Variants in SCIN observed in about 807,000 individuals in gnomAD.
SCIN encodes adseverin.
A neutral mutation model predicts 91.8 loss-of-function variants in SCIN; 91 were observed. That is an observed-to-expected ratio of 0.99 (90% confidence interval 0.84 to 1.18). The LOEUF is 1.18. SCIN is among the 50% of genes most tolerant of loss of function. The pLI, the probability that SCIN is intolerant of heterozygous loss-of-function variation, is 0.00. For missense variants in SCIN, 1,087 were observed against 863.9 expected, an observed-to-expected ratio of 1.26 and a Z score of -3.24; for synonymous variants, 367 against 312.6, an observed-to-expected ratio of 1.17 and a Z score of -1.84.
At chr7:12,644,008 C>G in intron 11 of SCIN, 130 bp from the exon 12 acceptor site, 1 of 783,224 alleles carries the variant, frequency 1.3e-6, no homozygotes, top group Non-Finnish European at 2.0e-6. Context: ...CCCAGAGCGG[C>G]TCTGAATTAA....
At chr7:12,590,033 A>G (rs1416067386) in intron 3 of SCIN, among the ~76,000 whole-genome samples, 1 of 152,144 alleles carries the variant, frequency 6.6e-6, no homozygotes, top group Non-Finnish European at 1.5e-5. Flanking sequence ...TGGGGCCAGC[A>G]TGGGATATGG....
At chr7:12,575,245 T>C (rs1782346701) in intron 1 of SCIN, among the ~76,000 whole-genome samples, 1 of 151,902 alleles carries the variant, frequency 6.6e-6, no homozygotes. Flanking sequence ...TTTTCTTTTT[T>C]TTTTTTGGAT....
rs1034459507 is a variant in SCIN at position 12,624,922 on chromosome 7, C to T, written c.760-88C>T. The T allele has an allele frequency of 4.3e-5, 55 of 1,283,478 alleles. 1 individual carries two copies. The highest frequency in any genetic ancestry group is 8.1e-5 in the South Asian group (5 of 61,928). The allele number at this position is 1,283,478 out of a possible 1,614,324, so 79.5% of individuals were successfully genotyped here. On this transcript the variant is annotated intron_variant, in intron 5 of 15. Coordinates refer to ENST00000297029, the MANE Select transcript of SCIN (RefSeq NM_001112706.3). The stretch of plus-strand genomic sequence containing the variant: ...ATGCTTTTTATTTGATGACATTTAC[C>T]GAGTTGTACAACCATTACCATAATC...
chr7:12,592,603 C>T (rs532221082), intron 3 of SCIN, among the ~76,000 whole-genome samples: 1 of 151,504 alleles, frequency 6.6e-6, no homozygotes, highest in African/African-American at 2.4e-5. Flanking sequence ...GGAGGGGACT[C>T]TGGTTGAAGG....
chr7:12,611,246 A>T (rs1257253616), intron 4 of SCIN: 1 of 152,250 alleles, frequency 6.6e-6, no homozygotes, highest in Non-Finnish European at 1.5e-5. Context: ...GTTAATGTCA[A>T]AAGGCTGTGC....
intron 10 of SCIN, 127 bp downstream of exon 10, chr7:12,636,262 T>C: frequency 1.5e-6 from 1 of 648,964 alleles, no homozygotes. Context: ...TGTTTTCATT[T>C]TGAAATTCAA....
intron 1 of SCIN, among the ~76,000 whole-genome samples, chr7:12,574,363 G>T (rs575439611): frequency 6.6e-6 from 1 of 152,100 alleles, no homozygotes. Context: ...CATTGCCGTT[G>T]GTTACAGATA....
In SCIN at chr7:12,625,841, G is replaced by C; in HGVS notation, c.972G>C (p.Lys324Asn). The C allele has an allele frequency of 1.9e-6, 3 of 1,606,440 alleles. No individual in the cohort carries two copies. The South Asian group carries it at 3.3e-5, about 18-fold the overall frequency. ...EEFLQQMNYS[K>N]NTQIQVLPEG... ...TTCTACAGCAAATGAATTATTCCAA[G>C]AATACCCAAGTATGTGTGAAACTGA... is the stretch of plus-strand genomic sequence containing the variant. Residue 324 changes from lysine to asparagine, a missense_variant, in exon 7 of 16, where the codon AAG (lysine) becomes AAC (asparagine). Lys to Asn is a moderately conservative substitution (Grantham distance 94). Coordinates refer to ENST00000297029, the MANE Select transcript of SCIN (RefSeq NM_001112706.3).
Position 12,626,642 on chromosome 7 carries a change from G to A in SCIN, c.1040G>A (p.Trp347Ter), listed in dbSNP as rs779406759. The change falls in exon 8 of 16, where the codon TGG becomes TAG. Residue 347 changes from tryptophan to a stop codon, truncating the protein, a stop_gained. Transcript: ENST00000297029. LOFTEE classifies it high-confidence loss of function. ...TPIFKQFFKDWRDKDQSDGFG... is the reference protein window; with the variant it reads ...TPIFKQFFKD Reference sequence around the variant, plus strand: ...ATCTTCAAACAGTTTTTTAAGGACTGGAGAGATAAAGATCAGAGTGATGGC... The same window carrying A: ...ATCTTCAAACAGTTTTTTAAGGACTAGAGAGATAAAGATCAGAGTGATGGC... The A allele has an allele frequency of 1.6e-5, 25 of 1,554,936 alleles. No individual in the cohort carries two copies. The highest frequency in any genetic ancestry group is 2.1e-5 in the Non-Finnish European group (24 of 1,148,718).
chr7:12,624,476 G>C (rs1184980756), intron 5 of SCIN, among the ~76,000 whole-genome samples: 1 of 152,154 alleles, frequency 6.6e-6, no homozygotes, highest in Non-Finnish European at 1.5e-5. Flanking sequence ...AAATCTTTGT[G>C]CATAAACTAT....
intron 3 of SCIN, among the ~76,000 whole-genome samples, chr7:12,581,595 T>C (rs1324361546): frequency 1.3e-5 from 2 of 152,142 alleles, no homozygotes; most frequent in African/African-American, 4.8e-5. Flanking sequence ...TAGAATATAA[T>C]ATGGACATAA....
At chr7:12,586,679 A>G (rs911769591) in intron 3 of SCIN, among the ~76,000 whole-genome samples, 1 of 152,344 alleles carries the variant, frequency 6.6e-6, no homozygotes, top group Middle Eastern at 3.4e-3. Context: ...TGGAATCAAC[A>G]TAAATATCCA....
intron 3 of SCIN, among the ~76,000 whole-genome samples, chr7:12,582,293 A>G (rs537526707): frequency 6.6e-6 from 1 of 152,342 alleles, no homozygotes; most frequent in South Asian, 2.1e-4. Context: ...AGCTTATTCC[A>G]TCTGCATAGA....
intron 1 of SCIN, among the ~76,000 whole-genome samples, chr7:12,574,296 T>C (rs528888211): frequency 6.6e-6 from 1 of 152,302 alleles, no homozygotes; most frequent in South Asian, 2.1e-4. Context: ...TAAGAGGCTT[T>C]ATACTGTATG....
At chr7:12,638,741 A>C (rs1275652204) in intron 10 of SCIN, among the ~76,000 whole-genome samples, 1 of 152,210 alleles carries the variant, frequency 6.6e-6, no homozygotes, top group African/African-American at 2.4e-5. Context: ...AGTAGATACA[A>C]AAATCAAGTT....
At position 12,636,103 on chromosome 7, in the gene SCIN, T is replaced by C. The variant is rs1403294372; in HGVS notation, c.1378T>C (p.Leu460=). The stretch of plus-strand genomic sequence containing the variant: ...AACATCTGCGTTCCTGACTGTTCAG[T>C]TGGATCGGTCCCTTGGAGGACAGGC... ...LTTSAFLTVQ[L]DRSLGGQAVQ... Residue 460 remains leucine, a synonymous_variant, in exon 10 of 16, where the codon TTG becomes CTG. Coordinates refer to ENST00000297029, the MANE Select transcript of SCIN (RefSeq NM_001112706.3). 6.2e-7 allele frequency: 1 copy of C among 1,612,952 alleles called. No individual in the cohort carries two copies. The highest frequency in any genetic ancestry group is 1.1e-5 in the South Asian group (1 of 90,786).
Position 12,570,855 on chromosome 7 carries a change from G to A in SCIN, c.69G>A (p.Arg23=). 1 of 1,551,658 alleles carries A rather than the reference G, an allele frequency of 6.4e-7. No homozygotes were observed. Among genetic ancestry groups the A allele is most frequent in the South Asian group, 1.2e-5 (1 of 84,064 alleles). The change falls in exon 1 of 16, where the codon AGG becomes AGA. Residue 23 remains arginine, a synonymous_variant. Transcript: ENST00000297029. Reference sequence around the variant, plus strand: ...AGCAGGCGGGGCTGCAGGTCTGGAGGATTGAGAAGCTGGAGCTGGTGCCCG... The same window carrying A: ...AGCAGGCGGGGCTGCAGGTCTGGAGAATTGAGAAGCTGGAGCTGGTGCCCG... ...AGKQAGLQVW[R]IEKLELVPVP... is the part of the protein sequence containing the mutation.
rs1324466033 is a variant in SCIN, at chr7:12,653,538, T to A, written c.*823T>A. 1 of 152,260 alleles carries A rather than the reference T, an allele frequency of 6.6e-6. No homozygotes were observed. The highest frequency in any genetic ancestry group is 1.5e-5 in the Non-Finnish European group (1 of 68,038). 9.4% of individuals were successfully genotyped at this position (152,260 alleles called of 1,614,324 possible). On this transcript the variant is annotated 3_prime_UTR_variant, in exon 16 of 16. Transcript: ENST00000297029. The surrounding 1 kb of genome is among the most constrained non-coding windows in gnomAD (Gnocchi z 4.1). ...ATATGACTTTGATGTCATTAACTGC[T>A]AAGTGTTATTTTCTAAGAGGAATTT...
At chr7:12,637,645 G>A (rs1051317538) in intron 10 of SCIN, among the ~76,000 whole-genome samples, 1 of 151,912 alleles carries the variant, frequency 6.6e-6, no homozygotes, top group Non-Finnish European at 1.5e-5. Context: ...GAGGAGAGAA[G>A]AGGAAGGGCA....
Sources: gnomAD v4.1 joint callset for allele counts (sites outside exome capture counted in the v4.1 genomes callset) on GRCh38, gnomAD v4.1.1 for gene constraint, Gnocchi (gnomAD v3.1) non-coding constraint, MANE v1.5 for transcripts, NCBI Gene and HGNC (gene_info 2026-07-23, HGNC 2026-07-21) for gene names.